NRXN1: variants seen among roughly 807,000 people sequenced by gnomAD.
NRXN1 encodes the protein neurexin-1.
A neutral mutation model predicts 150.9 loss-of-function variants in NRXN1; 39 were observed. The observed-to-expected ratio is 0.26, with a 90% CI of 0.20 to 0.34. The LOEUF is 0.34. Among genes scored for constraint, NRXN1 ranks in the 10% least tolerant of loss-of-function variants. The pLI, the probability that NRXN1 is intolerant of heterozygous loss-of-function variation, is 1.00. For synonymous variants in NRXN1, 924 were observed against 757.0 expected, an observed-to-expected ratio of 1.22 and a Z score of -3.62; for missense variants, 1,815 against 1,949.9, an observed-to-expected ratio of 0.93 and a Z score of 1.30.
intron 5 of NRXN1, among the ~76,000 whole-genome samples, chr2:50,760,802 C>A (rs1235006033): frequency 6.6e-6 from 1 of 151,856 alleles, no homozygotes; most frequent in Non-Finnish European, 1.5e-5. Flanking sequence ...ATGTGGTAAG[C>A]AGATGGGCGG....
chr2:50,323,108 A>G (rs985304142), intron 17 of NRXN1, among the ~76,000 whole-genome samples: 10 of 152,156 alleles, frequency 6.6e-5, no homozygotes, highest in East Asian at 5.8e-4. Context: ...CTTCCACCCA[A>G]TTAACAAATC....
intron 17 of NRXN1, among the ~76,000 whole-genome samples, chr2:50,365,207 G>A (rs1456511996): frequency 6.6e-6 from 1 of 151,798 alleles, no homozygotes; most frequent in Non-Finnish European, 1.5e-5. Flanking sequence ...GTAAATTTCA[G>A]CAAATGTTTG....
At chr2:50,721,249 C>G (rs1696611765) in intron 5 of NRXN1, among the ~76,000 whole-genome samples, 1 of 152,268 alleles carries the variant, frequency 6.6e-6, no homozygotes, top group Non-Finnish European at 1.5e-5. Context: ...TTTCCCTAGG[C>G]CTGTGAACAG....
At chr2:50,542,252 GC>G (rs397873075) in intron 9 of NRXN1, among the ~76,000 whole-genome samples, 1 of 152,136 alleles carries the variant, frequency 6.6e-6, no homozygotes, top group Non-Finnish European at 1.5e-5. Context: ...TTGCACTCCA[GC>G]CTGGGCAACC....
chr2:50,686,344 AAC>A (rs1371364092), intron 5 of NRXN1, among the ~76,000 whole-genome samples: 4 of 152,150 alleles, frequency 2.6e-5, no homozygotes, highest in East Asian at 1.9e-4. Flanking sequence ...TTGACGTTGC[AAC>A]CAGAAATTGC....
intron 17 of NRXN1, among the ~76,000 whole-genome samples, chr2:50,448,727 G>T (rs146311021): frequency 3.3e-5 from 5 of 152,266 alleles, no homozygotes; most frequent in African/African-American, 4.8e-5. Flanking sequence ...AAAGAGCACC[G>T]GAGTGGATTA....
intron 5 of NRXN1, among the ~76,000 whole-genome samples, chr2:50,680,468 T>C (rs1690214731): frequency 6.6e-6 from 1 of 152,024 alleles, no homozygotes; most frequent in Non-Finnish European, 1.5e-5. Flanking sequence ...GGACTATAGA[T>C]ATAGGTAAAA....
chr2:50,373,080 C>T (rs1056549671), intron 17 of NRXN1, among the ~76,000 whole-genome samples: 3 of 151,926 alleles, frequency 2.0e-5, no homozygotes, highest in Non-Finnish European at 4.4e-5. Flanking sequence ...TTCTGCAAAT[C>T]TCTACTTTAC....
In NRXN1 at chr2:50,431,092, G is replaced by A. The variant is rs151159138; in HGVS notation, c.3364+34350C>T. ...TTTTTAAAATCTCATCCTCATACCC[G>A]TGACATCTTATTAACCCCTTTCTAC... On this transcript the variant is annotated intron_variant, in intron 17 of 22. Transcript: ENST00000401669. Among the ~76,000 whole-genome samples the A allele has an allele frequency of 3.2e-4, 48 of 152,108 alleles. 1 individual carries two copies. The highest frequency in any genetic ancestry group is 6.2e-4 in the South Asian group (3 of 4,812).
At chr2:49,937,633 G>A (rs1177874130) in intron 22 of NRXN1, among the ~76,000 whole-genome samples, 4 of 152,120 alleles carry the variant, frequency 2.6e-5, no homozygotes, top group Admixed American at 6.5e-5. Context: ...CCTGAATGAT[G>A]AGCTGGGCCC....
chr2:50,062,974 G>C (rs943190709), intron 19 of NRXN1, among the ~76,000 whole-genome samples: 29 of 152,140 alleles, frequency 1.9e-4, no homozygotes, highest in African/African-American at 6.8e-4. Flanking sequence ...TTTTAACATT[G>C]GGAAAAGAAA....
chr2:50,393,332 G>A (rs367573416), intron 17 of NRXN1, among the ~76,000 whole-genome samples: 1 of 152,082 alleles, frequency 6.6e-6, no homozygotes, highest in Non-Finnish European at 1.5e-5. Context: ...CATTTCTCAC[G>A]GTACCTGGTT....
chr2:50,013,760 G>A (rs546765320), intron 21 of NRXN1, among the ~76,000 whole-genome samples: 1 of 152,154 alleles, frequency 6.6e-6, no homozygotes, highest in Non-Finnish European at 1.5e-5. Context: ...ATGACTGGCT[G>A]AGTAGCAATT....
At chr2:50,258,312 T>C (rs1180698564) in intron 17 of NRXN1, among the ~76,000 whole-genome samples, 1 of 152,140 alleles carries the variant, frequency 6.6e-6, no homozygotes, top group Non-Finnish European at 1.5e-5. Context: ...GTTTATGTAA[T>C]ATTCTACATC....
intron 8 of NRXN1, among the ~76,000 whole-genome samples, chr2:50,607,842 G>T (rs1287247207): frequency 6.6e-6 from 1 of 151,816 alleles, no homozygotes; most frequent in Non-Finnish European, 1.5e-5. Flanking sequence ...AACTATTTCA[G>T]AATCCAAAGC....
intron 17 of NRXN1, among the ~76,000 whole-genome samples, chr2:50,261,387 T>C (rs1315557843): frequency 2.0e-5 from 3 of 151,808 alleles, no homozygotes; most frequent in East Asian, 3.9e-4. Context: ...TGGAGTTAAA[T>C]TGAAAGGTGA....
At chr2:50,922,725 G>A (rs200623011) in intron 3 of NRXN1, 38 bp from the exon 4 acceptor site, 128 of 1,605,188 alleles carry the variant, frequency 8.0e-5, no homozygotes, top group Non-Finnish European at 1.0e-4. Context: ...CAATAAACAA[G>A]GGAGCATGGG....
At chr2:51,014,249 G>A (rs1309907311) in intron 2 of NRXN1, among the ~76,000 whole-genome samples, 3 of 152,042 alleles carry the variant, frequency 2.0e-5, no homozygotes, top group African/African-American at 7.2e-5. Flanking sequence ...AAAATAAACA[G>A]AGCGGGGGCT....
At chr2:51,004,144 G>A (rs1700414914) in intron 2 of NRXN1, among the ~76,000 whole-genome samples, 1 of 151,674 alleles carries the variant, frequency 6.6e-6, no homozygotes, top group Non-Finnish European at 1.5e-5. Flanking sequence ...CCCAAGTTTG[G>A]GGTCTAGCCA....
Sources: gnomAD v4.1 joint callset for allele counts (sites outside exome capture counted in the v4.1 genomes callset) on GRCh38, gnomAD v4.1.1 for gene constraint, MANE v1.5 for transcripts, NCBI Gene and HGNC (gene_info 2026-07-23, HGNC 2026-07-21) for gene names.